The following BTBD9 variants were observed in gnomAD, a reference collection of about 807,000 sequenced individuals.
The protein encoded by BTBD9 is BTB/POZ domain-containing protein 9.
A neutral mutation model predicts 64.3 loss-of-function variants in BTBD9; 49 were observed. The observed-to-expected ratio is 0.76, with a 90% CI of 0.61 to 0.97. The LOEUF (loss-of-function observed/expected upper bound fraction) is 0.97. Ranked by LOEUF, BTBD9 falls within the 50% of genes least tolerant of loss-of-function variation. BTBD9 has a pLI of 0.00. For missense variants in BTBD9, 598 were observed against 762.1 expected (o/e 0.78, Z 2.53); for synonymous variants, 260 against 274.7 (o/e 0.95, Z 0.53).
chr6:38,381,237 CAAT>C (rs749871891), intron 6 of BTBD9, among the ~76,000 whole-genome samples: 90 of 151,680 alleles, frequency 5.9e-4, no homozygotes, highest in Non-Finnish European at 1.6e-4. Context: ...TTACAAGAAA[CAAT>C]AAAATATAAG....
At chr6:38,180,139 T>C (rs1761481504) in intron 10 of BTBD9, among the ~76,000 whole-genome samples, 1 of 152,178 alleles carries the variant, frequency 6.6e-6, no homozygotes, top group Non-Finnish European at 1.5e-5. Flanking sequence ...TGTACGAGGC[T>C]GGGGTTACTT....
At chr6:38,608,859 C>T (rs908781402) in intron 1 of BTBD9, among the ~76,000 whole-genome samples, 1 of 152,140 alleles carries the variant, frequency 6.6e-6, no homozygotes, top group South Asian at 2.1e-4. Flanking sequence ...CCCTATATAA[C>T]CTCTTCCTCA....
intron 6 of BTBD9, among the ~76,000 whole-genome samples, chr6:38,425,959 A>C (rs62397047): frequency 3.1e-4 from 28 of 89,298 alleles, no homozygotes; most frequent in African/African-American, 6.3e-4. Context: ...CACACACACA[A>C]ACAAAAGCAA....
At chr6:38,206,043 G>GCTT (rs1295651344) in intron 9 of BTBD9, among the ~76,000 whole-genome samples, 1 of 151,998 alleles carries the variant, frequency 6.6e-6, no homozygotes, top group Admixed American at 6.6e-5. Context: ...AGACTGCAGA[G>GCTT]GGAAGGCGGG....
At chr6:38,400,221 T>C (rs1766867315) in intron 6 of BTBD9, among the ~76,000 whole-genome samples, 1 of 152,148 alleles carries the variant, frequency 6.6e-6, no homozygotes, top group Admixed American at 6.5e-5. Flanking sequence ...TATCTTTAAT[T>C]GCTCTCTCGC....
rs900347655 is a variant in BTBD9 at position 38,436,019 on chromosome 6, C to T, written c.1155-90926G>A. On this transcript the variant is annotated intron_variant, in intron 6 of 10. Coordinates refer to ENST00000481247, the MANE Select transcript of BTBD9 (RefSeq NM_001099272.2). ...GGCCCAAGGGGACATTCAATATTAA[C>T]ATTCTAAGTACAAAGTTAACAATTT... is the stretch of plus-strand genomic sequence containing the variant. Among the ~76,000 whole-genome samples the T allele has an allele frequency of 5.3e-5, 8 of 151,764 alleles. 1 individual carries two copies. The highest frequency in any genetic ancestry group is 1.9e-4 in the African/African-American group (8 of 41,128).
chr6:38,246,953 C>T (rs1764230276), intron 9 of BTBD9, among the ~76,000 whole-genome samples: 1 of 152,160 alleles, frequency 6.6e-6, no homozygotes, highest in Non-Finnish European at 1.5e-5. Context: ...AAGACATTTC[C>T]TCCTTTATAT....
At chr6:38,639,639 A>C (rs937160523) in intron 1 of BTBD9, among the ~76,000 whole-genome samples, 161 bp downstream of exon 1, 9 of 152,110 alleles carry the variant, frequency 5.9e-5, no homozygotes, top group African/African-American at 2.2e-4. Context: ...ACCCGGGCCC[A>C]AGAAATGACC....
chr6:38,545,845 C>G lies in BTBD9; in HGVS notation c.1154+31755G>C, dbSNP rs933301697. Among the ~76,000 whole-genome samples the G allele has an allele frequency of 2.5e-5, 3 of 119,896 alleles. No individual in the cohort carries two copies. In the South Asian group the frequency reaches 7.7e-4, roughly 31 times the overall value. 78.7% of individuals were successfully genotyped at this position (119,896 alleles called of 152,430 possible). A position where few individuals can be genotyped will look rare whatever the true frequency, so the allele number is the denominator to read the frequency against. ...AATGCTTTAATATTTAAAACACACA[C>G]ACACACACATACACACACACACACA... On this transcript the variant is annotated intron_variant, in intron 6 of 10. Coordinates refer to ENST00000481247, the MANE Select transcript of BTBD9 (RefSeq NM_001099272.2).
intron 6 of BTBD9, among the ~76,000 whole-genome samples, chr6:38,494,475 C>T (rs1771855694): frequency 6.6e-6 from 1 of 152,212 alleles, no homozygotes; most frequent in African/African-American, 2.4e-5. Context: ...TGGCGAATGC[C>T]AGCACTAGAG....
At chr6:38,507,996 C>T (rs1276029647) in intron 6 of BTBD9, among the ~76,000 whole-genome samples, 1 of 151,834 alleles carries the variant, frequency 6.6e-6, no homozygotes, top group African/African-American at 2.4e-5. Context: ...ACCACACCCC[C>T]CTAATTTTTT....
chr6:38,344,861 A>G (rs568569286), intron 7 of BTBD9, 123 bp downstream of exon 7: 5 of 519,272 alleles, frequency 9.6e-6, no homozygotes, highest in African/African-American at 1.9e-5. Context: ...TATGTCACCT[A>G]GCAATAAGGC....
chr6:38,290,268 G>T (rs1308757553), intron 7 of BTBD9, among the ~76,000 whole-genome samples: 1 of 151,400 alleles, frequency 6.6e-6, no homozygotes, highest in Non-Finnish European at 1.5e-5. Flanking sequence ...GAAATTACCT[G>T]TAAGGACAGT....
intron 1 of BTBD9, among the ~76,000 whole-genome samples, chr6:38,613,628 T>TA (rs1777691177): frequency 2.0e-4 from 31 of 151,714 alleles, no homozygotes; most frequent in African/African-American, 5.1e-4. Flanking sequence ...TTTATCTTTT[T>TA]TAAAAAAAAA....
intron 8 of BTBD9, among the ~76,000 whole-genome samples, chr6:38,263,505 T>G (rs1169895918): frequency 2.0e-5 from 3 of 152,230 alleles, no homozygotes; most frequent in African/African-American, 4.8e-5. Flanking sequence ...AGCTGCCCAA[T>G]CCATGCTGGG....
At chr6:38,529,562 C>T (rs1450317400) in intron 6 of BTBD9, among the ~76,000 whole-genome samples, 2 of 152,192 alleles carry the variant, frequency 1.3e-5, no homozygotes, top group Non-Finnish European at 2.9e-5. Context: ...TTAAGACCAT[C>T]CAGGAAAACA....
intron 1 of BTBD9, among the ~76,000 whole-genome samples, chr6:38,598,643 C>T (rs1192971915): frequency 6.6e-6 from 1 of 152,100 alleles, no homozygotes; most frequent in African/African-American, 2.4e-5. Flanking sequence ...TGGGGCCAGG[C>T]ACGGTGGCTC....
At chr6:38,448,254 A>G (rs932839305) in intron 6 of BTBD9, among the ~76,000 whole-genome samples, 1 of 152,202 alleles carries the variant, frequency 6.6e-6, no homozygotes, top group Non-Finnish European at 1.5e-5. Flanking sequence ...AACCTTACAC[A>G]TGCAAAATCC....
chr6:38,247,705 G>C (rs757962645), intron 9 of BTBD9, among the ~76,000 whole-genome samples: 6 of 152,266 alleles, frequency 3.9e-5, no homozygotes, highest in Non-Finnish European at 8.8e-5. Context: ...AGCCCATGGA[G>C]AGAAGCATAA....
Sources: gnomAD v4.1 joint callset for allele counts (sites outside exome capture counted in the v4.1 genomes callset) on GRCh38, gnomAD v4.1.1 for gene constraint, MANE v1.5 for transcripts, NCBI Gene and HGNC (gene_info 2026-07-23, HGNC 2026-07-21) for gene names.